Variants in ATXN1 observed in about 807,000 individuals in gnomAD.
ATXN1 encodes the protein ataxin-1.
In ATXN1, 8 loss-of-function variants were observed where a neutral mutation model predicts 56.4. The ratio of observed to expected loss-of-function variants is 0.14; its 90% CI spans 0.08 to 0.26. The LOEUF is 0.26. Among genes scored for constraint, ATXN1 ranks in the 10% least tolerant of loss-of-function variants. ATXN1 has a pLI of 1.00. For synonymous variants in ATXN1, 514 were observed against 494.6 expected (o/e 1.04, Z -0.52); for missense variants, 987 against 1,106.5 (o/e 0.89, Z 1.53).
At chr6:16,526,041 C>CTATATATATATATATATATATA (rs71769107) in intron 4 of ATXN1, among the ~76,000 whole-genome samples, 5 of 127,136 alleles carry the variant, frequency 3.9e-5, no homozygotes, top group African/African-American at 9.6e-5. Flanking sequence ...AGAAATAAAT[C>CTATATATATATATATATATATA]TATATATATA....
chr6:16,327,349 T>G lies in ATXN1; in HGVS notation c.962A>C (p.Lys321Thr). The G allele has an allele frequency of 5.6e-6, 9 of 1,613,470 alleles. No individual in the cohort carries two copies. Among genetic ancestry groups the G allele is most frequent in the Non-Finnish European group, 7.6e-6 (9 of 1,179,986 alleles). The change falls in exon 7 of 8, where the codon AAG (lysine) becomes ACG (threonine). Residue 321 changes from lysine (K) to threonine (T), a missense_variant. Physicochemically the swap from Lys to Thr is moderately conservative, Grantham distance 78 (BLOSUM62 -1). Transcript: ENST00000436367. ...SSRLQQAIQA[K>T]EVLNGEMEKS... ...CTCCATCTCACCGTTCAGGACCTCC[T>G]TGGCCTGGATGGCCTGCTGCAGCCG...
At chr6:16,673,007 C>T (rs533651501) in intron 2 of ATXN1, among the ~76,000 whole-genome samples, 2 of 133,112 alleles carry the variant, frequency 1.5e-5, no homozygotes, top group South Asian at 5.2e-4. Context: ...AATGAGACTC[C>T]GTTCCCCCCC....
In ATXN1 at chr6:16,328,113, C is replaced by T. The variant is rs772585818; in HGVS notation, c.198G>A (p.Ser66=). 19 of 1,593,484 alleles carry T rather than the reference C, an allele frequency of 1.2e-5. No homozygotes were observed. The highest frequency in any genetic ancestry group is 1.7e-5 in the Admixed American group (1 of 59,152). The change falls in exon 7 of 8, where the codon TCG becomes TCA. Residue 66 remains serine (S), a synonymous_variant. Coordinates refer to ENST00000436367, the MANE Select transcript of ATXN1 (RefSeq NM_001128164.2). The surrounding 1 kb of genome is among the most constrained non-coding windows in gnomAD (Gnocchi z 6.2). ...TTCCCTGTTGTAAACCAAGCTCCAC[C>T]GAGGTCCCTGCCGGCCCATGCCTCC... ...GGGRHGPAGT[S]VELGLQQGIG...
intron 6 of ATXN1, among the ~76,000 whole-genome samples, chr6:16,339,627 C>T (rs1393117118): frequency 6.6e-6 from 1 of 152,160 alleles, no homozygotes; most frequent in Non-Finnish European, 1.5e-5. Flanking sequence ...ATATGATCAC[C>T]CCATTTCAAA....
At chr6:16,369,518 A>C (rs1386379464) in intron 6 of ATXN1, among the ~76,000 whole-genome samples, 2 of 152,262 alleles carry the variant, frequency 1.3e-5, no homozygotes, top group Middle Eastern at 3.4e-3. Flanking sequence ...CTCTGCAATA[A>C]ATTTTTACTC....
At chr6:16,439,480 T>C (rs1437006502) in intron 6 of ATXN1, among the ~76,000 whole-genome samples, 1 of 150,282 alleles carries the variant, frequency 6.7e-6, no homozygotes, top group African/African-American at 2.4e-5. Context: ...TTACTCAGCG[T>C]CCAGCGTCCT....
chr6:16,519,130 T>C (rs1356008319), intron 5 of ATXN1, among the ~76,000 whole-genome samples: 1 of 152,146 alleles, frequency 6.6e-6, no homozygotes, highest in East Asian at 1.9e-4. Flanking sequence ...CAGAACTCAG[T>C]TGTGAGCATT....
rs1411770920 is a variant in ATXN1 at position 16,326,417 on chromosome 6, C to T, written c.1894G>A (p.Ala632Thr). 8.7e-6 allele frequency: 14 copies of T among 1,613,696 alleles called. No homozygotes were observed. The highest frequency in any genetic ancestry group is 4.5e-5 in the East Asian group (2 of 44,892). Reference sequence around the variant, plus strand: ...ACCTGGGCTCGGTGCTCCCCGACGGCGAACTGTATCACGGCCACGCCCGGG... The same window carrying T: ...ACCTGGGCTCGGTGCTCCCCGACGGTGAACTGTATCACGGCCACGCCCGGG... ...HSPGVAVIQFAVGEHRAQVSV... is the reference protein window; with the variant it reads ...HSPGVAVIQFTVGEHRAQVSV... The change falls in exon 7 of 8, where the codon GCC becomes ACC. Residue 632 changes from alanine (A) to threonine (T), a missense_variant. Transcript: ENST00000436367. This position sits in a 1 kb window ranked among gnomAD's most constrained non-coding sequence, Gnocchi z 6.6.
chr6:16,392,785 C>T (rs1010306136), intron 6 of ATXN1, among the ~76,000 whole-genome samples: 6 of 152,186 alleles, frequency 3.9e-5, no homozygotes, highest in African/African-American at 1.4e-4. Flanking sequence ...CATGAGCCAT[C>T]GCACACGACC....
intron 6 of ATXN1, among the ~76,000 whole-genome samples, chr6:16,425,667 G>A (rs537682369): frequency 1.3e-5 from 2 of 152,224 alleles, no homozygotes; most frequent in Admixed American, 1.3e-4. Flanking sequence ...AAGTTCTCAT[G>A]CTATCCCACC....
intron 3 of ATXN1, among the ~76,000 whole-genome samples, chr6:16,648,227 C>G (rs1297812043): frequency 6.6e-6 from 1 of 152,220 alleles, no homozygotes; most frequent in Non-Finnish European, 1.5e-5. Context: ...TTTCCTGCTA[C>G]AGCCAACACT....
At chr6:16,339,009 T>C (rs2113436331) in intron 6 of ATXN1, among the ~76,000 whole-genome samples, 1 of 152,322 alleles carries the variant, frequency 6.6e-6, no homozygotes, top group South Asian at 2.1e-4. Flanking sequence ...TTAAGTGCAA[T>C]GCCTCCGTGT....
intron 3 of ATXN1, among the ~76,000 whole-genome samples, chr6:16,635,895 A>G (rs1399937305): frequency 6.6e-6 from 1 of 152,184 alleles, no homozygotes; most frequent in Admixed American, 6.5e-5. Flanking sequence ...GTGCTGGGGA[A>G]GCACAGGCAG....
intron 6 of ATXN1, among the ~76,000 whole-genome samples, chr6:16,432,392 T>C (rs961022545): frequency 3.9e-5 from 6 of 152,242 alleles, no homozygotes; most frequent in Non-Finnish European, 5.9e-5. Flanking sequence ...ATGGTTTTCA[T>C]TGGTTTTGTA....
chr6:16,606,036 G>C (rs1561775755), intron 3 of ATXN1, among the ~76,000 whole-genome samples: 1 of 152,094 alleles, frequency 6.6e-6, no homozygotes, highest in Non-Finnish European at 1.5e-5. Flanking sequence ...GGATGAGGTG[G>C]GGGGATCGCT....
At chr6:16,673,950 C>T (rs1758600660) in intron 2 of ATXN1, among the ~76,000 whole-genome samples, 1 of 152,056 alleles carries the variant, frequency 6.6e-6, no homozygotes, top group Admixed American at 6.6e-5. Flanking sequence ...CAAAATGGTC[C>T]CCAGTTGAGA....
intron 5 of ATXN1, among the ~76,000 whole-genome samples, chr6:16,514,770 T>G (rs1453589825): frequency 6.6e-6 from 1 of 151,728 alleles, no homozygotes; most frequent in South Asian, 2.1e-4. Flanking sequence ...GATCACGAGG[T>G]CAAGAGATCG....
chr6:16,724,773 G>A (rs913050075), intron 2 of ATXN1, among the ~76,000 whole-genome samples: 3 of 152,152 alleles, frequency 2.0e-5, no homozygotes, highest in African/African-American at 7.2e-5. Context: ...TATAGAATCA[G>A]GTTTGATTAC....
intron 2 of ATXN1, among the ~76,000 whole-genome samples, chr6:16,662,805 A>C (rs1433307908): frequency 6.6e-6 from 1 of 152,174 alleles, no homozygotes; most frequent in African/African-American, 2.4e-5. Flanking sequence ...AATTTGCGTC[A>C]TTTAACTATT....
Sources: allele counts gnomAD v4.1 joint callset (sites outside exome capture counted in the v4.1 genomes callset), GRCh38; gene constraint gnomAD v4.1.1; non-coding constraint Gnocchi (gnomAD v3.1); transcripts MANE v1.5; gene names NCBI Gene and HGNC (gene_info 2026-07-23, HGNC 2026-07-21).